The following APBA2 variants were observed in gnomAD, a reference collection of about 807,000 sequenced individuals.
APBA2 encodes the protein amyloid beta precursor protein binding family A member 2, also known as amyloid-beta A4 precursor protein-binding family A member 2.
In APBA2, 30 loss-of-function variants were observed where a neutral mutation model predicts 75.0. The observed-to-expected ratio is 0.40, with a 90% CI of 0.30 to 0.54. The LOEUF (loss-of-function observed/expected upper bound fraction) is 0.54. Ranked by LOEUF, APBA2 falls within the 20% of genes least tolerant of loss-of-function variation. The pLI is 0.49. For missense variants in APBA2, 801 were observed against 1,016.1 expected (o/e 0.79, Z 2.88); for synonymous variants, 444 against 409.6 (o/e 1.08, Z -1.01).
intron 1 of APBA2, among the ~76,000 whole-genome samples, chr15:28,903,480 A>G (rs1215778858): frequency 2.0e-5 from 3 of 152,198 alleles, no homozygotes; most frequent in African/African-American, 7.2e-5. Flanking sequence ...AGCCCTGGCC[A>G]CTGAAATGGC....
intron 2 of APBA2, chr15:28,990,473 A>G (rs975295188): frequency 2.0e-5 from 3 of 152,164 alleles, no homozygotes; most frequent in Non-Finnish European, 4.4e-5. Context: ...GCCTCAGATA[A>G]CTTTACATAA....
chr15:28,893,444 G>T (rs140868058), intron 1 of APBA2, among the ~76,000 whole-genome samples: 1 of 152,188 alleles, frequency 6.6e-6, no homozygotes, highest in African/African-American at 2.4e-5. Flanking sequence ...GATTTTGGCC[G>T]CAGGTCCCTG....
intron 3 of APBA2, among the ~76,000 whole-genome samples, chr15:29,032,036 G>A (rs1387629121): frequency 6.6e-6 from 1 of 152,262 alleles, no homozygotes; most frequent in Admixed American, 6.5e-5. Context: ...TGGAAGGGCT[G>A]TCTAGAAGAA....
At chr15:28,978,759 C>G (rs1205048655) in intron 2 of APBA2, among the ~76,000 whole-genome samples, 1 of 152,180 alleles carries the variant, frequency 6.6e-6, no homozygotes, top group Non-Finnish European at 1.5e-5. Context: ...ACATTCTTCT[C>G]CAGGACTGCA....
At chr15:29,084,438 T>C (rs2043203733) in intron 6 of APBA2, among the ~76,000 whole-genome samples, 1 of 152,044 alleles carries the variant, frequency 6.6e-6, no homozygotes, top group African/African-American at 2.4e-5. Context: ...TCATGGCTAG[T>C]GGTATTTAAT....
At chr15:28,896,599 G>A (rs1390242427) in intron 1 of APBA2, among the ~76,000 whole-genome samples, 1 of 152,102 alleles carries the variant, frequency 6.6e-6, no homozygotes, top group East Asian at 1.9e-4. Context: ...TTGTGATGTA[G>A]AGAAACCAAA....
rs1280520972 is a variant in APBA2 at position 29,054,604 on chromosome 15, C to T, written c.720C>T (p.Thr240=). ...VAEIKMSLSM[T]SITSASEASP... The stretch of plus-strand genomic sequence containing the variant: ...AGATCAAGATGAGTCTGAGCATGAC[C>T]AGCATCACCAGCGCCAGTGAGGCCA... The change falls in exon 4 of 15, where the codon ACC becomes ACT. Residue 240 remains threonine, a synonymous_variant. Coordinates refer to ENST00000683413, the MANE Select transcript of APBA2 (RefSeq NM_001353788.2). This position sits in a 1 kb window ranked among gnomAD's most constrained non-coding sequence, Gnocchi z 6.1. 3 of 1,614,012 alleles carry T rather than the reference C, an allele frequency of 1.9e-6. No individual in the cohort carries two copies. The highest frequency in any genetic ancestry group is 1.7e-6 in the Non-Finnish European group (2 of 1,180,034).
At chr15:28,929,759 C>T (rs999105920) in intron 2 of APBA2, among the ~76,000 whole-genome samples, 1 of 152,158 alleles carries the variant, frequency 6.6e-6, no homozygotes, top group Non-Finnish European at 1.5e-5. Context: ...CCCCCATTAT[C>T]CATGTCTTGT....
Position 29,076,089 on chromosome 15 carries a change from C to T in APBA2, c.1067C>T (p.Ala356Val). The change falls in exon 6 of 15, where the codon GCT becomes GTT. Residue 356 changes from alanine (A) to valine (V), a missense_variant and splice_region_variant. Transcript: ENST00000683413. ...KKVASFPSFV[A>V]VPGPCEPEDL... The stretch of plus-strand genomic sequence containing the variant: ...GTGGCATCATTTCCAAGTTTTGTGG[C>T]TGGTAAGTGACTTTGAATTTTATTT... The T allele has an allele frequency of 6.2e-7, 1 of 1,614,032 alleles. No individual in the cohort carries two copies. The highest frequency in any genetic ancestry group is 8.5e-7 in the Non-Finnish European group (1 of 1,179,896).
intron 2 of APBA2, among the ~76,000 whole-genome samples, chr15:28,939,220 A>G (rs888317050): frequency 1.3e-5 from 2 of 152,164 alleles, no homozygotes; most frequent in Non-Finnish European, 2.9e-5. Flanking sequence ...ATAACACTCC[A>G]TTGCGGGAAT....
chr15:29,056,453 C>T (rs996917245), intron 4 of APBA2, among the ~76,000 whole-genome samples: 4 of 152,162 alleles, frequency 2.6e-5, no homozygotes, highest in African/African-American at 9.7e-5. Flanking sequence ...GAAGGACATG[C>T]TCTTGTCTGA....
rs1443825139 is a variant in APBA2 at position 28,918,725 on chromosome 15, G to A, written c.-204-2915G>A. ...CTACTGCTGGGCCTGGTGTCGCCAT[G>A]GCAGCTGGAGAGCGGGCGACCGGTC... On this transcript the variant is annotated intron_variant, in intron 1 of 14. Coordinates refer to ENST00000683413, the MANE Select transcript of APBA2 (RefSeq NM_001353788.2). The surrounding 1 kb of genome is among the most constrained non-coding windows in gnomAD (Gnocchi z 4.2). Among the ~76,000 whole-genome samples the A allele has an allele frequency of 6.6e-6, 1 of 152,194 alleles. No individual in the cohort carries two copies. Among genetic ancestry groups the A allele is most frequent in the Non-Finnish European group, 1.5e-5 (1 of 68,028 alleles).
At position 29,000,958 on chromosome 15, in the gene APBA2, C is replaced by T. The variant is rs72625152; in HGVS notation, c.-41+5152C>T. ...ACTGCTGCCTTCACATGGGAGGCTCCTTCTGGCCCTGCCTGTGTGGCTGAT... is the reference window on the plus strand; with the variant it reads ...ACTGCTGCCTTCACATGGGAGGCTCTTTCTGGCCCTGCCTGTGTGGCTGAT... On this transcript the variant is annotated intron_variant, in intron 3 of 14. Transcript: ENST00000683413. 0.021 allele frequency among the ~76,000 whole-genome samples: 3,247 copies of T among 152,224 alleles called. 250 individuals are homozygous for T. The East Asian group carries it at 0.23, about 11-fold the overall frequency.
intron 3 of APBA2, among the ~76,000 whole-genome samples, chr15:28,996,746 A>T (rs1480448279): frequency 6.6e-6 from 1 of 152,150 alleles, no homozygotes; most frequent in Non-Finnish European, 1.5e-5. Context: ...GTTCTTATGT[A>T]TTCTTGGGAA....
Position 28,973,648 on chromosome 15 carries a change from A to T in APBA2, c.-94-22105A>T, listed in dbSNP as rs541534267. Among the ~76,000 whole-genome samples the T allele has an allele frequency of 5.6e-3, 860 of 152,230 alleles. 4 individuals carry two copies. Among genetic ancestry groups the T allele is most frequent in the Non-Finnish European group, 7.6e-3 (520 of 67,994 alleles). On this transcript the variant is annotated intron_variant, in intron 2 of 14. Coordinates refer to ENST00000683413, the MANE Select transcript of APBA2 (RefSeq NM_001353788.2). ...TTAAACAAGTATTTTAAAATGTTTAAAAAAAATTGTATATGTATGACCGAA... is the reference window on the plus strand; with the variant it reads ...TTAAACAAGTATTTTAAAATGTTTATAAAAAATTGTATATGTATGACCGAA...
intron 6 of APBA2, among the ~76,000 whole-genome samples, chr15:29,090,144 G>T (rs575125229): frequency 6.6e-6 from 1 of 152,332 alleles, no homozygotes; most frequent in South Asian, 2.1e-4. Flanking sequence ...GGACTCGATT[G>T]TTTCTCGCTG....
chr15:29,025,263 A>AT lies in APBA2; in HGVS notation c.-40-28562dup, dbSNP rs199811660. 7.5e-3 allele frequency among the ~76,000 whole-genome samples: 1,040 copies of AT among 138,088 alleles called. 3 individuals carry two copies. The highest frequency in any genetic ancestry group is 9.3e-3 in the Non-Finnish European group (576 of 61,966). 90.6% of individuals were successfully genotyped at this position (138,088 alleles called of 152,430 possible). A position where few individuals can be genotyped will look rare whatever the true frequency, so the allele number is the denominator to read the frequency against. ...CCAGAGCCAGGAAACAAGAATTGGGATTTTTTTTTTTTTTTTTTTTGAGAT... is the reference window on the plus strand; with the variant it reads ...CCAGAGCCAGGAAACAAGAATTGGGATTTTTTTTTTTTTTTTTTTTTGAGAT... On this transcript the variant is annotated intron_variant, in intron 3 of 14. Transcript: ENST00000683413.
intron 3 of APBA2, among the ~76,000 whole-genome samples, chr15:29,027,598 CT>C (rs1205389406): frequency 1.3e-5 from 2 of 151,044 alleles, no homozygotes; most frequent in Admixed American, 6.6e-5. Flanking sequence ...AGTCTTTTAT[CT>C]TTTTTTTCTT....
intron 2 of APBA2, among the ~76,000 whole-genome samples, chr15:28,946,111 G>T (rs919575809): frequency 6.6e-6 from 1 of 152,186 alleles, no homozygotes; most frequent in Non-Finnish European, 1.5e-5. Flanking sequence ...TGATTTTGTT[G>T]CAGATAGGAT....
Sources: allele counts gnomAD v4.1 joint callset (sites outside exome capture counted in the v4.1 genomes callset), GRCh38; gene constraint gnomAD v4.1.1; non-coding constraint Gnocchi (gnomAD v3.1); transcripts MANE v1.5; gene names NCBI Gene and HGNC (gene_info 2026-07-23, HGNC 2026-07-21).